Variants in SLC38A6 observed in about 807,000 individuals in gnomAD.
SLC38A6 encodes solute carrier family 38 member 6.
Under a neutral mutation model 65.0 loss-of-function variants are expected in SLC38A6, and 73 were observed. The observed-to-expected ratio is 1.12, with a 90% CI of 0.93 to 1.37. The LOEUF (loss-of-function observed/expected upper bound fraction) is 1.37. Ranked by LOEUF, SLC38A6 falls within the 40% of genes most tolerant of loss-of-function variation. The probability of loss-of-function intolerance (pLI) is 0.00; values close to 1 mark genes in which losing one functional copy is unlikely to be tolerated. For missense variants in SLC38A6, 561 were observed against 531.1 expected (o/e 1.06, Z -0.55); for synonymous variants, 183 against 178.8 (o/e 1.02, Z -0.19).
chr14:61,033,357 T>A (rs1437779144), intron 6 of SLC38A6, among the ~76,000 whole-genome samples: 1 of 152,052 alleles, frequency 6.6e-6, no homozygotes, highest in Non-Finnish European at 1.5e-5. Flanking sequence ...ATTTCATACT[T>A]GGAACATTTT....
At chr14:61,042,912 A>G (rs899493670) in intron 8 of SLC38A6, among the ~76,000 whole-genome samples, 1 of 152,178 alleles carries the variant, frequency 6.6e-6, no homozygotes, top group Non-Finnish European at 1.5e-5. Context: ...ACACAGGAGT[A>G]CCCTTAGTCT....
chr14:61,006,466 TCAAA>T (rs1412831817), intron 3 of SLC38A6, among the ~76,000 whole-genome samples: 1 of 151,886 alleles, frequency 6.6e-6, no homozygotes, highest in Non-Finnish European at 1.5e-5. Context: ...TACAATGAAC[TCAAA>T]CAAATTTACA....
chr14:60,997,240 C>T (rs112426089), intron 3 of SLC38A6, among the ~76,000 whole-genome samples: 3,717 of 152,228 alleles, frequency 0.024, 68 homozygotes, highest in Middle Eastern at 0.051. Flanking sequence ...GATCCTCCCA[C>T]CTCAGCCTCC....
intron 3 of SLC38A6, among the ~76,000 whole-genome samples, chr14:61,009,450 A>G (rs1464122590): frequency 2.0e-5 from 3 of 152,218 alleles, no homozygotes; most frequent in African/African-American, 7.2e-5. Context: ...GGTTTGTTAC[A>G]TATGGATACA....
At chr14:61,023,161 T>TA (rs1246635034) in intron 5 of SLC38A6, among the ~76,000 whole-genome samples, 13 of 152,114 alleles carry the variant, frequency 8.5e-5, no homozygotes, top group Non-Finnish European at 1.5e-4. Flanking sequence ...ATGTAAGTGA[T>TA]AAAAAAAGAA....
At chr14:61,054,572 A>G (rs1385267126), downstream of SLC38A6, among the ~76,000 whole-genome samples, 2 of 152,006 alleles carry the variant, frequency 1.3e-5, no homozygotes, top group Non-Finnish European at 2.9e-5. Flanking sequence ...TATAATTCTC[A>G]TTGTAGAAAT....
intron 3 of SLC38A6, among the ~76,000 whole-genome samples, chr14:61,010,326 G>A (rs1484280574): frequency 6.6e-6 from 1 of 152,060 alleles, no homozygotes; most frequent in Admixed American, 6.6e-5. Context: ...CATTTTGTAG[G>A]TTGCCTGTTC....
At chr14:61,021,762 C>T (rs1013194458) in intron 5 of SLC38A6, among the ~76,000 whole-genome samples, 2 of 152,166 alleles carry the variant, frequency 1.3e-5, no homozygotes, top group African/African-American at 4.8e-5. Flanking sequence ...ATTTTCTTCA[C>T]ATTGGTTAAA....
At chr14:61,019,671 T>C (rs2139577237) in intron 5 of SLC38A6, 91 bp downstream of exon 5, 2 of 1,341,508 alleles carry the variant, frequency 1.5e-6, no homozygotes, top group Admixed American at 1.7e-5. Flanking sequence ...AGCTGGGAAC[T>C]TCTGTAGACA....
At chr14:61,004,117 T>C (rs774286931) in intron 3 of SLC38A6, among the ~76,000 whole-genome samples, 5 of 152,196 alleles carry the variant, frequency 3.3e-5, no homozygotes, top group Non-Finnish European at 7.4e-5. Context: ...AACTGTTGTG[T>C]TTTAATTTTT....
chr14:61,016,738 C>A (rs979684696), intron 4 of SLC38A6, among the ~76,000 whole-genome samples: 1 of 152,078 alleles, frequency 6.6e-6, no homozygotes, highest in South Asian at 2.1e-4. Flanking sequence ...AACAGGAATT[C>A]TTTTGTTTGT....
intron 3 of SLC38A6, among the ~76,000 whole-genome samples, chr14:60,994,874 C>G (rs2038166986): frequency 6.7e-6 from 1 of 149,658 alleles, no homozygotes; most frequent in Non-Finnish European, 1.5e-5. Context: ...TGTGGTGACA[C>G]ACACCTGTAA....
chr14:61,042,295 A>G (rs1013138292), intron 8 of SLC38A6, among the ~76,000 whole-genome samples: 3 of 152,218 alleles, frequency 2.0e-5, no homozygotes, highest in African/African-American at 4.8e-5. Flanking sequence ...TAGGAATAGA[A>G]ATTGTGTTTA....
chr14:60,997,906 T>C (rs912262651), intron 3 of SLC38A6, among the ~76,000 whole-genome samples: 3 of 152,136 alleles, frequency 2.0e-5, no homozygotes, highest in East Asian at 1.9e-4. Flanking sequence ...TTTAGACTTA[T>C]ATGTAGGTGG....
intron 5 of SLC38A6, among the ~76,000 whole-genome samples, chr14:61,029,286 A>AGC (rs2040800346): frequency 6.6e-6 from 1 of 150,686 alleles, no homozygotes; most frequent in Non-Finnish European, 1.5e-5. Flanking sequence ...CTCCCAGGTT[A>AGC]GCTGGTATTG....
intron 3 of SLC38A6, among the ~76,000 whole-genome samples, chr14:61,012,329 AAGC>A (rs2039640832): frequency 6.6e-6 from 1 of 152,134 alleles, no homozygotes; most frequent in African/African-American, 2.4e-5. Flanking sequence ...CTGTTCAAAA[AAGC>A]AGCTTCTGGA....
chr14:60,992,717 C>T (rs911854322), intron 3 of SLC38A6, among the ~76,000 whole-genome samples: 5 of 151,522 alleles, frequency 3.3e-5, no homozygotes, highest in African/African-American at 1.2e-4. Flanking sequence ...GACAAAGTCT[C>T]GCTCTGTTGT....
intron 16 of SLC38A6, among the ~76,000 whole-genome samples, chr14:61,079,084 C>G (rs2043540319): frequency 6.7e-6 from 1 of 148,172 alleles, no homozygotes; most frequent in Non-Finnish European, 1.5e-5. Context: ...CGAGCCAGGT[C>G]AAGACCTCTG....
Position 61,052,500 on chromosome 14 carries a change from A to C in SLC38A6, c.*71A>C. The C allele has an allele frequency of 6.7e-7, 1 of 1,485,306 alleles. No homozygotes were observed. 92.0% of individuals were successfully genotyped at this position (1,485,306 alleles called of 1,614,324 possible). On this transcript the variant is annotated 3_prime_UTR_variant, in exon 16 of 16. Coordinates refer to ENST00000267488, the MANE Select transcript of SLC38A6 (RefSeq NM_153811.3). ...GCAAGAATGAATTATTCCGGAAGAC[A>C]CCCTGGATGAAAAATAACATTTTAA...
Sources: allele counts gnomAD v4.1 joint callset (sites outside exome capture counted in the v4.1 genomes callset), GRCh38; gene constraint gnomAD v4.1.1; transcripts MANE v1.5; gene names NCBI Gene and HGNC (gene_info 2026-07-23, HGNC 2026-07-21).